Variants in PHF5A observed in about 807,000 individuals in gnomAD.
PHF5A encodes the protein PHD finger-like domain-containing protein 5A.
For missense variants in PHF5A, 24 were observed against 140.6 expected (o/e 0.17, Z 4.19); for synonymous variants, 52 against 46.0 (o/e 1.13, Z -0.52).
chr22:41,466,270 G>A (rs2037865581), intron 3 of PHF5A, among the ~76,000 whole-genome samples: 1 of 152,132 alleles, frequency 6.6e-6, no homozygotes, highest in Non-Finnish European at 1.5e-5. Flanking sequence ...AATCTTGCCT[G>A]TAGCACTAGT....
intron 3 of PHF5A, among the ~76,000 whole-genome samples, chr22:41,465,667 G>A (rs1245597923): frequency 2.0e-5 from 3 of 152,066 alleles, no homozygotes; most frequent in Non-Finnish European, 4.4e-5. Flanking sequence ...GGATCGCAAG[G>A]TCAGGAGTTT....
intron 3 of PHF5A, among the ~76,000 whole-genome samples, chr22:41,467,001 C>CA (rs1164280278): frequency 1.4e-5 from 2 of 145,494 alleles, no homozygotes; most frequent in Non-Finnish European, 3.0e-5. Flanking sequence ...CTCAAAAAAA[C>CA]AAAAAACAAG....
Position 41,460,418 on chromosome 22 carries a change from AT to A in PHF5A, c.312del (p.Lys104AsnfsTer47). 6.2e-7 allele frequency: 1 copy of A among 1,602,560 alleles called. No individual in the cohort carries two copies. Among genetic ancestry groups the A allele is most frequent in the South Asian group, 1.1e-5 (1 of 89,528 alleles). ...ACCAATCACCTCTTCTTGAAGCCGT[AT>A]TTTTTGCGTTCATAGAAGAGGTCTG... ...SKTDLFYERK[K>X]YGFKKR On this transcript the variant is annotated frameshift_variant, in exon 4 of 4. Transcript: ENST00000216252. LOFTEE classifies it high-confidence loss of function.
At chr22:41,465,477 T>A (rs1568994868) in intron 3 of PHF5A, among the ~76,000 whole-genome samples, 2 of 152,214 alleles carry the variant, frequency 1.3e-5, no homozygotes, top group Non-Finnish European at 1.5e-5. Context: ...GGTGTGGTCT[T>A]ATCTGGCCCA....
intron 3 of PHF5A, among the ~76,000 whole-genome samples, chr22:41,463,602 G>A (rs971367691): frequency 1.1e-5 from 1 of 90,746 alleles, no homozygotes; most frequent in Non-Finnish European, 2.4e-5. Context: ...GTGCACGCCT[G>A]TAATCCCAGC....
At chr22:41,463,272 A>AG (rs1452649037) in intron 3 of PHF5A, among the ~76,000 whole-genome samples, 1 of 151,870 alleles carries the variant, frequency 6.6e-6, no homozygotes, top group East Asian at 1.9e-4. Context: ...TGCAATGATG[A>AG]GAAAAAAAAA....
intron 1 of PHF5A, 128 bp downstream of exon 1, chr22:41,468,453 ACCTGCGCGCTCCTACAACACC>A: frequency 1.1e-6 from 1 of 875,418 alleles, no homozygotes; most frequent in Non-Finnish European, 1.8e-6. Context: ...GAGGCCACAA[ACCTGCGCGCTCCTACAACACC>A]CCGCGCCTGA....
Position 41,460,348 on chromosome 22 carries a change from T to C in PHF5A, c.*50A>G. The C allele has an allele frequency of 6.9e-6, 10 of 1,453,770 alleles. No individual in the cohort carries two copies. The highest frequency in any genetic ancestry group is 9.5e-6 in the Non-Finnish European group (10 of 1,049,098). The allele number at this position is 1,453,770 out of a possible 1,614,324, so 90.1% of individuals were successfully genotyped here. A position where few individuals can be genotyped will look rare whatever the true frequency, so the allele number is the denominator to read the frequency against. On this transcript the variant is annotated 3_prime_UTR_variant, in exon 4 of 4. Transcript: ENST00000216252. ...TGCTGGTAGTAGTAGGCATGTTTTC[T>C]GGCAGCTGCAGCAGACTGATGTTGG...
At chr22:41,460,522 G>A (rs1165939063) in intron 3 of PHF5A, 35 bp from the exon 4 acceptor site, 3 of 1,531,612 alleles carry the variant, frequency 2.0e-6, no homozygotes, top group Admixed American at 3.5e-5. Flanking sequence ...TTAAGTCTTT[G>A]AGCCTGAACC....
intron 2 of PHF5A, 128 bp downstream of exon 2, chr22:41,467,996 G>A (rs1166517951): frequency 1.0e-6 from 1 of 963,192 alleles, no homozygotes; most frequent in East Asian, 2.5e-5. Context: ...TTTGGCTAAA[G>A]TGCAGCATTC....
intron 3 of PHF5A, among the ~76,000 whole-genome samples, chr22:41,461,951 G>A (rs1030208053): frequency 1.3e-5 from 2 of 152,204 alleles, no homozygotes; most frequent in Admixed American, 6.5e-5. Flanking sequence ...GTGAGCCACC[G>A]TGCCTGGCCC....
intron 3 of PHF5A, among the ~76,000 whole-genome samples, chr22:41,466,630 C>T (rs1301358918): frequency 6.6e-6 from 1 of 152,018 alleles, no homozygotes; most frequent in Admixed American, 6.6e-5. Flanking sequence ...CCCAAGTGAT[C>T]CATCCGCCTC....
At chr22:41,464,172 T>C (rs1033904660) in intron 3 of PHF5A, among the ~76,000 whole-genome samples, 2 of 152,236 alleles carry the variant, frequency 1.3e-5, no homozygotes, top group Non-Finnish European at 1.5e-5. Flanking sequence ...GATTACATGA[T>C]GTGGCACCAT....
At chr22:41,462,835 C>A (rs2037835977) in intron 3 of PHF5A, among the ~76,000 whole-genome samples, 1 of 152,010 alleles carries the variant, frequency 6.6e-6, no homozygotes, top group Non-Finnish European at 1.5e-5. Context: ...ATGACCCAAT[C>A]CTCCAATCTG....
At chr22:41,463,904 AAG>A (rs1197795225) in intron 3 of PHF5A, among the ~76,000 whole-genome samples, 2 of 151,996 alleles carry the variant, frequency 1.3e-5, no homozygotes, top group African/African-American at 2.4e-5. Context: ...CAAAAAAAAA[AAG>A]AGTCAGACCA....
rs1568995998 is a variant in PHF5A, at chr22:41,468,162, A to G, written c.53-15T>C. On this transcript the variant is annotated splice_polypyrimidine_tract_variant and intron_variant, in intron 1 of 3. Coordinates refer to ENST00000216252, the MANE Select transcript of PHF5A (RefSeq NM_032758.4). The stretch of plus-strand genomic sequence containing the variant: ...TCTTCCGATGGCTGCAAGATGAAAG[A>G]TGGTAAAAAGTACAATTAGAATAAA... The G allele has an allele frequency of 1.2e-6, 2 of 1,613,926 alleles. No homozygotes were observed. Among genetic ancestry groups the G allele is most frequent in the Non-Finnish European group, 1.7e-6 (2 of 1,179,864 alleles).
rs576477151 is a variant in PHF5A at position 41,465,883 on chromosome 22, A to AAAAT, written c.243+1561_243+1564dup. ...CAACAAGAGTGAAACTCCATCTCAA[A>AAAAT]AAATAAATAAATAAATAAATAAATA... On this transcript the variant is annotated intron_variant, in intron 3 of 3. Coordinates refer to ENST00000216252, the MANE Select transcript of PHF5A (RefSeq NM_032758.4). Among the ~76,000 whole-genome samples, 700 of 152,118 alleles carry AAAAT rather than the reference A, an allele frequency of 4.6e-3. 4 individuals are homozygous for AAAAT. Among genetic ancestry groups the AAAAT allele is most frequent in the African/African-American group, 0.015 (617 of 41,462 alleles).
At chr22:41,461,129 C>T (rs142075569) in intron 3 of PHF5A, among the ~76,000 whole-genome samples, 469 of 152,100 alleles carry the variant, frequency 3.1e-3, no homozygotes, top group African/African-American at 5.3e-3. Context: ...GCTGAGATCA[C>T]GCCACAGCAC....
chr22:41,467,624 A>G lies in PHF5A; in HGVS notation c.77-10T>C, dbSNP rs766748846. On this transcript the variant is annotated splice_polypyrimidine_tract_variant and intron_variant, in intron 2 of 3. Coordinates refer to ENST00000216252, the MANE Select transcript of PHF5A (RefSeq NM_032758.4). ...ACACACTTGCCATCACCTGTAAGGA[A>G]GAGAATGGAGTCATGCTCACAAGTT... 4 of 1,613,766 alleles carry G rather than the reference A, an allele frequency of 2.5e-6. No individual in the cohort carries two copies. The highest frequency in any genetic ancestry group is 2.5e-6 in the Non-Finnish European group (3 of 1,179,822).
Sources: allele counts gnomAD v4.1 joint callset (sites outside exome capture counted in the v4.1 genomes callset), GRCh38; gene constraint gnomAD v4.1.1; transcripts MANE v1.5; gene names NCBI Gene and HGNC (gene_info 2026-07-23, HGNC 2026-07-21).